COL10A1: variants seen among roughly 807,000 people sequenced by gnomAD.
COL10A1 encodes collagen alpha-1(X) chain.
Under a neutral mutation model 18.2 loss-of-function variants are expected in COL10A1, and 10 were observed. The ratio of observed to expected loss-of-function variants is 0.55; its 90% confidence interval spans 0.34 to 0.93. COL10A1 has a LOEUF of 0.93. Among genes scored for constraint, COL10A1 ranks in the 40% least tolerant of loss-of-function variants. COL10A1 has a pLI of 0.02. For missense variants in COL10A1, 897 were observed against 853.5 expected (o/e 1.05, Z -0.64); for synonymous variants, 330 against 316.6 (o/e 1.04, Z -0.45).
At chr6:116,122,692 A>G (rs890507333) in intron 2 of COL10A1, among the ~76,000 whole-genome samples, 8 of 152,260 alleles carry the variant, frequency 5.3e-5, no homozygotes, top group African/African-American at 1.9e-4. Flanking sequence ...CGGCTGGGCC[A>G]CAAGTATGGG....
rs533141982 is a variant in COL10A1, at chr6:116,139,232, TG to T, written c.-15-13726del. 1.4e-3 allele frequency among the ~76,000 whole-genome samples: 215 copies of T among 152,214 alleles called. 2 individuals are homozygous for T. Among genetic ancestry groups the T allele is most frequent in the Middle Eastern group, 3.4e-3 (1 of 294 alleles). On this transcript the variant is annotated intron_variant, in intron 1 of 1. Transcript: ENST00000418500. ...TGACCTTATCAAAGTGTGGATTTTTTGGGGGAAAGAAGTCTCTCAGTCTACT... is the reference window on the plus strand; with the variant it reads ...TGACCTTATCAAAGTGTGGATTTTTTGGGGAAAGAAGTCTCTCAGTCTACT...
chr6:116,174,766 C>T, the COL10A1 span, among the ~76,000 whole-genome samples: 2 of 152,124 alleles, frequency 1.3e-5, no homozygotes, highest in Admixed American at 1.3e-4. Flanking sequence ...TTTTGAAGGA[C>T]TCAGTCTACA....
At chr6:116,154,764 C>T (rs1043711054) in intron 1 of COL10A1, among the ~76,000 whole-genome samples, 3 of 152,144 alleles carry the variant, frequency 2.0e-5, no homozygotes, top group African/African-American at 7.2e-5. Context: ...AAACTAAAAA[C>T]AAAGCACCGT....
chr6:116,214,240 T>C, the COL10A1 span, among the ~76,000 whole-genome samples: 79 of 152,234 alleles, frequency 5.2e-4, no homozygotes, highest in African/African-American at 1.8e-3. Context: ...GAATGTCAAA[T>C]AGTACACTGA....
Position 116,120,013 on chromosome 6 carries a change from G to A in COL10A1, c.*60C>T. On this transcript the variant is annotated 3_prime_UTR_variant, in exon 3 of 3. Transcript: ENST00000651968. ...CCTACCTCCATATGCATTTTGTAGG[G>A]TGGGGTAGAGTTAGAGAATGCTTTT... 1 of 1,375,264 alleles carries A rather than the reference G, an allele frequency of 7.3e-7. No individual in the cohort carries two copies. Among genetic ancestry groups the A allele is most frequent in the African/African-American group, 1.4e-5 (1 of 69,830 alleles). The allele number at this position is 1,375,264 out of a possible 1,614,324, so 85.2% of individuals were successfully genotyped here. A position where few individuals can be genotyped will look rare whatever the true frequency, so the allele number is the denominator to read the frequency against.
At chr6:116,203,322 T>C in the COL10A1 span, among the ~76,000 whole-genome samples, 1 of 151,974 alleles carries the variant, frequency 6.6e-6, no homozygotes, top group Non-Finnish European at 1.5e-5. Flanking sequence ...TTATTAAATG[T>C]GAACATATTT....
At chr6:116,172,646 A>G in the COL10A1 span, among the ~76,000 whole-genome samples, 455 of 152,258 alleles carry the variant, frequency 3.0e-3, 2 homozygotes, top group African/African-American at 0.01. Flanking sequence ...TATACTTTGT[A>G]AGGAAATTGT....
chr6:116,206,437 C>T, the COL10A1 span, among the ~76,000 whole-genome samples: 1 of 151,960 alleles, frequency 6.6e-6, no homozygotes, highest in Non-Finnish European at 1.5e-5. Flanking sequence ...AAGGAAATTG[C>T]ACAACTAAGA....
intron 1 of COL10A1, among the ~76,000 whole-genome samples, chr6:116,138,076 C>CA (rs552070297): frequency 7.4e-5 from 11 of 148,332 alleles, no homozygotes; most frequent in East Asian, 2.0e-4. Context: ...AGACTCTGCT[C>CA]AAAAAAAAAG....
chr6:116,190,614 C>T, the COL10A1 span, among the ~76,000 whole-genome samples: 85 of 152,108 alleles, frequency 5.6e-4, no homozygotes, highest in African/African-American at 1.6e-3. Context: ...ACACCCCATG[C>T]AGAAAGCCTC....
intron 1 of COL10A1, chr6:116,145,451 C>A: frequency 2.6e-6 from 1 of 389,148 alleles, no homozygotes; most frequent in South Asian, 2.0e-5. Flanking sequence ...GAAGATTGGC[C>A]ACATCCTTGC....
At chr6:116,159,306 T>C (rs1221509726), upstream of COL10A1, among the ~76,000 whole-genome samples, 9 of 152,194 alleles carry the variant, frequency 5.9e-5, no homozygotes, top group Non-Finnish European at 1.5e-5. Flanking sequence ...CATAACTTTC[T>C]TTTTCCATAA....
chr6:116,153,283 C>G (rs1165486527), intron 1 of COL10A1, among the ~76,000 whole-genome samples: 16 of 151,898 alleles, frequency 1.1e-4, no homozygotes. Flanking sequence ...CATAAAAGAT[C>G]AGAGTATTTT....
chr6:116,173,183 CT>C, the COL10A1 span, among the ~76,000 whole-genome samples: 15 of 152,172 alleles, frequency 9.9e-5, no homozygotes, highest in African/African-American at 3.1e-4. Flanking sequence ...ACCACAGCCC[CT>C]GGCAGTGTTC....
At chr6:116,155,194 A>G (rs1466704754) in intron 1 of COL10A1, among the ~76,000 whole-genome samples, 2 of 152,172 alleles carry the variant, frequency 1.3e-5, no homozygotes, top group Non-Finnish European at 2.9e-5. Context: ...AGTAGTTTGC[A>G]TGGGTTTAGT....
At chr6:116,195,011 C>T in the COL10A1 span, among the ~76,000 whole-genome samples, 1 of 152,062 alleles carries the variant, frequency 6.6e-6, no homozygotes, top group African/African-American at 2.4e-5. Flanking sequence ...CTCACCTTCA[C>T]CTTCCTGCCA....
chr6:116,120,365 G>T lies in COL10A1; in HGVS notation c.1751C>A (p.Pro584Gln). The stretch of plus-strand genomic sequence containing the variant: ...CTGACAAGTAAAGATTCCAGTCCTT[G>T]GGTCATAATGCTGTTGCCTGTTATA... Reference protein sequence around the residue: ...ILYNRQQHYDPRTGIFTCQIP... With the variant: ...ILYNRQQHYDQRTGIFTCQIP... The change falls in exon 3 of 3, where the codon CCA becomes CAA. Residue 584 changes from proline to glutamine, a missense_variant. Physicochemically the swap from Pro to Gln is moderately conservative, Grantham distance 76 (BLOSUM62 -1). Coordinates refer to ENST00000651968, the MANE Select transcript of COL10A1 (RefSeq NM_000493.4). The T allele has an allele frequency of 1.2e-6, 2 of 1,614,208 alleles. No homozygotes were observed. Among genetic ancestry groups the T allele is most frequent in the South Asian group, 1.1e-5 (1 of 91,078 alleles).
intron 1 of COL10A1, among the ~76,000 whole-genome samples, chr6:116,141,966 G>A (rs1362429061): frequency 6.8e-6 from 1 of 147,838 alleles, no homozygotes; most frequent in East Asian, 2.0e-4. Context: ...AAATATATAG[G>A]AATTCCTGTT....
intron 1 of COL10A1, among the ~76,000 whole-genome samples, chr6:116,135,543 G>A (rs1331429217): frequency 1.3e-5 from 2 of 151,264 alleles, no homozygotes; most frequent in African/African-American, 4.9e-5. Flanking sequence ...AAAATCTTAG[G>A]TAATATTCCA....
Sources: gnomAD v4.1 joint callset for allele counts (sites outside exome capture counted in the v4.1 genomes callset) on GRCh38, gnomAD v4.1.1 for gene constraint, MANE v1.5 for transcripts, NCBI Gene and HGNC (gene_info 2026-07-23, HGNC 2026-07-21) for gene names.